CDC42BPB: variants seen among roughly 807,000 people sequenced by gnomAD.
CDC42BPB encodes the protein serine/threonine-protein kinase MRCK beta.
A neutral mutation model predicts 214.9 loss-of-function variants in CDC42BPB; 37 were observed. The ratio of observed to expected loss-of-function variants is 0.17; its 90% confidence interval spans 0.13 to 0.23. The LOEUF (loss-of-function observed/expected upper bound fraction) is 0.23, where lower values mean the gene tolerates loss of function less well. Among genes scored for constraint, CDC42BPB ranks in the 10% least tolerant of loss-of-function variants. The pLI is 1.00. For missense variants in CDC42BPB, 1,694 were observed against 2,227.0 expected (o/e 0.76, Z 4.82); for synonymous variants, 931 against 884.0 (o/e 1.05, Z -0.94).
Position 102,950,556 on chromosome 14 carries a change from C to T in CDC42BPB, c.3219G>A (p.Gln1073=). The T allele has an allele frequency of 6.2e-7, 1 of 1,608,974 alleles. No homozygotes were observed. The highest frequency in any genetic ancestry group is 2.2e-5 in the East Asian group (1 of 44,780). Residue 1073 remains glutamine, a synonymous_variant, in exon 25 of 37, where the codon CAG becomes CAA. Coordinates refer to ENST00000361246, the MANE Select transcript of CDC42BPB (RefSeq NM_006035.4). ...CHVSCKDGAP[Q]VCPIPPEQSK... ...ACTGCTCGGGAGGTATTGGGCACAC[C>T]TGGGGGGCACCGTCTTTGCAGGACA...
chr14:102,974,160 G>A lies in CDC42BPB; in HGVS notation c.1508-11C>T, dbSNP rs1488161223. ...CGAGCCTGTTTGAATCTGGACAAAA[G>A]AGGAAATAAACTCTGTTCCTTTATG... On this transcript the variant is annotated splice_polypyrimidine_tract_variant and intron_variant, in intron 11 of 36. Coordinates refer to ENST00000361246, the MANE Select transcript of CDC42BPB (RefSeq NM_006035.4). 1 of 1,612,770 alleles carries A rather than the reference G, an allele frequency of 6.2e-7. No individual in the cohort carries two copies. Among genetic ancestry groups the A allele is most frequent in the Admixed American group, 1.7e-5 (1 of 59,500 alleles).
intron 3 of CDC42BPB, among the ~76,000 whole-genome samples, chr14:103,005,693 TC>T (rs1895205527): frequency 6.6e-6 from 1 of 151,392 alleles, no homozygotes; most frequent in Non-Finnish European, 1.5e-5. Context: ...TGAGACCCTG[TC>T]TCTAAAACAA....
intron 1 of CDC42BPB, among the ~76,000 whole-genome samples, chr14:103,026,122 G>A (rs1178990138): frequency 6.6e-6 from 1 of 152,188 alleles, no homozygotes; most frequent in Admixed American, 6.5e-5. Context: ...ACACGGCTGG[G>A]CGTGGTGGCT....
At chr14:103,023,018 CTT>C (rs1425788115) in intron 1 of CDC42BPB, among the ~76,000 whole-genome samples, 2 of 145,642 alleles carry the variant, frequency 1.4e-5, no homozygotes, top group African/African-American at 2.5e-5. Context: ...TTTTCCTTTT[CTT>C]TTTTTTTTTG....
chr14:102,968,097 A>T (rs1158545669), intron 16 of CDC42BPB, among the ~76,000 whole-genome samples, 156 bp downstream of exon 16: 2 of 152,074 alleles, frequency 1.3e-5, no homozygotes, highest in African/African-American at 2.4e-5. Flanking sequence ...TCCATCTCAA[A>T]AAAAAAAAAC....
intron 11 of CDC42BPB, among the ~76,000 whole-genome samples, chr14:102,975,479 C>T (rs1169499313): frequency 6.6e-6 from 1 of 151,802 alleles, no homozygotes; most frequent in Non-Finnish European, 1.5e-5. Context: ...GCTGAGATCG[C>T]ACCACTGCAC....
chr14:102,986,300 C>T (rs1475220784), intron 6 of CDC42BPB, 187 bp downstream of exon 6: 12 of 541,768 alleles, frequency 2.2e-5, no homozygotes, highest in African/African-American at 3.8e-5. Flanking sequence ...AATAAAGATG[C>T]TTTCCAACTT....
chr14:102,932,401 T>A lies in CDC42BPB; in HGVS notation c.*1311A>T, dbSNP rs1319134139. ...TGGGAACTTTAAAACTGCCGTCTTC[T>A]GCTTTATTGACAGGTAAATTGTTCA... On this transcript the variant is annotated 3_prime_UTR_variant, in exon 37 of 37. Transcript: ENST00000361246. 6.6e-6 allele frequency: 1 copy of A among 152,320 alleles called. No individual in the cohort carries two copies. The highest frequency in any genetic ancestry group is 2.4e-5 in the African/African-American group (1 of 41,470). 9.4% of individuals were successfully genotyped at this position (152,320 alleles called of 1,614,324 possible). A position where few individuals can be genotyped will look rare whatever the true frequency, so the allele number is the denominator to read the frequency against.
rs770186267 is a variant in CDC42BPB at position 102,940,335 on chromosome 14, C to T, written c.4409-11G>A. ...GGGTGGGGCTGCAACCTAGCGCAGA[C>T]GGAGCAGGGCGGGGTGAGCCACAGT... On this transcript the variant is annotated splice_polypyrimidine_tract_variant and intron_variant, in intron 30 of 36. Transcript: ENST00000361246. 76 of 1,557,744 alleles carry T rather than the reference C, an allele frequency of 4.9e-5. No individual in the cohort carries two copies. The Middle Eastern group carries it at 6.7e-4, about 14-fold the overall frequency.
chr14:102,948,917 A>G (rs1219134323), intron 26 of CDC42BPB, among the ~76,000 whole-genome samples: 4 of 151,906 alleles, frequency 2.6e-5, no homozygotes, highest in African/African-American at 9.7e-5. Context: ...GGGAAGGGAC[A>G]TGGAAAGTGG....
intron 20 of CDC42BPB, among the ~76,000 whole-genome samples, chr14:102,961,306 T>C (rs1892947020): frequency 1.3e-5 from 2 of 151,982 alleles, no homozygotes; most frequent in South Asian, 4.1e-4. Flanking sequence ...GACTGAAAAC[T>C]TGACACACAA....
At chr14:103,003,391 G>A (rs555805908) in intron 4 of CDC42BPB, among the ~76,000 whole-genome samples, 6 of 152,356 alleles carry the variant, frequency 3.9e-5, no homozygotes, top group Non-Finnish European at 7.3e-5. Context: ...ATGCATGTGC[G>A]TCACGAGGCT....
Position 102,950,591 on chromosome 14 carries a change from C to A in CDC42BPB, c.3184G>T (p.Ala1062Ser). The change falls in exon 25 of 37, where the codon GCT (alanine) becomes TCT (serine). Residue 1062 changes from alanine to serine, a missense_variant. Coordinates refer to ENST00000361246, the MANE Select transcript of CDC42BPB (RefSeq NM_006035.4). ...CCGTCTTTGCAGGACACGTGGCAAG[C>A]AAAGGAACACACTGGAAGAGAGCAA... ...QGYACEVCSF[A>S]CHVSCKDGAP... 6.3e-7 allele frequency: 1 copy of A among 1,591,608 alleles called. No individual in the cohort carries two copies. The highest frequency in any genetic ancestry group is 1.1e-5 in the South Asian group (1 of 88,046).
chr14:102,961,532 C>T (rs201123574), intron 20 of CDC42BPB, among the ~76,000 whole-genome samples: 1 of 149,724 alleles, frequency 6.7e-6, no homozygotes, highest in East Asian at 2.0e-4. Context: ...ATGGCAAAAC[C>T]CCCCCCACTT....
In CDC42BPB at chr14:103,032,208, C is replaced by A. The variant is rs1230912959; in HGVS notation, c.176-20020G>T. On this transcript the variant is annotated intron_variant, in intron 1 of 36. Transcript: ENST00000361246. ...TGACAGATCCAACCTCTCATGCCCA[C>A]CCACGAGGACCAAGGAGAAGGGAGG... Among the ~76,000 whole-genome samples the A allele has an allele frequency of 2.0e-5, 3 of 152,112 alleles. No homozygotes were observed. In the East Asian group the frequency reaches 5.8e-4, roughly 29 times the overall value.
intron 5 of CDC42BPB, among the ~76,000 whole-genome samples, chr14:102,996,027 C>T (rs1415373811): frequency 6.6e-6 from 1 of 152,202 alleles, no homozygotes; most frequent in Non-Finnish European, 1.5e-5. Context: ...GGACGTCAAA[C>T]GACTGAGCAA....
intron 4 of CDC42BPB, among the ~76,000 whole-genome samples, chr14:103,000,182 C>T (rs1434945652): frequency 7.9e-5 from 12 of 152,166 alleles, no homozygotes; most frequent in Non-Finnish European, 1.3e-4. Flanking sequence ...ATAAAAGAGC[C>T]GAAAGATAAT....
intron 36 of CDC42BPB, chr14:102,937,275 C>T (rs1396720151): frequency 6.6e-6 from 1 of 152,502 alleles, no homozygotes; most frequent in Admixed American, 6.5e-5. Flanking sequence ...GACTGTCCCA[C>T]CAGACAAAGA....
In CDC42BPB at chr14:102,932,802, GGA is replaced by G. The variant is rs1891442664; in HGVS notation, c.*908_*909del. Reference sequence around the variant, plus strand: ...TGCCGTGGGCCGGGGCCAGTGTGCAGGAGTGTGTTGGGTGGGTCTACGTGATC... The same window carrying G: ...TGCCGTGGGCCGGGGCCAGTGTGCAGGTGTGTTGGGTGGGTCTACGTGATC... On this transcript the variant is annotated 3_prime_UTR_variant, in exon 37 of 37. Transcript: ENST00000361246. The G allele has an allele frequency of 6.6e-6, 1 of 151,712 alleles. No individual in the cohort carries two copies. Among genetic ancestry groups the G allele is most frequent in the African/African-American group, 2.4e-5 (1 of 41,118 alleles). 9.4% of individuals were successfully genotyped at this position (151,712 alleles called of 1,614,324 possible). A position where few individuals can be genotyped will look rare whatever the true frequency, so the allele number is the denominator to read the frequency against.
Sources: gnomAD v4.1 joint callset for allele counts (sites outside exome capture counted in the v4.1 genomes callset) on GRCh38, gnomAD v4.1.1 for gene constraint, MANE v1.5 for transcripts, NCBI Gene and HGNC (gene_info 2026-07-23, HGNC 2026-07-21) for gene names.